Variants in CEP83 observed in about 807,000 individuals in gnomAD.
The protein encoded by CEP83 is centrosomal protein of 83 kDa.
CEP83 carries 70 observed loss-of-function variants against 101.9 expected under a neutral mutation model. The ratio of observed to expected loss-of-function variants is 0.69; its 90% CI spans 0.57 to 0.84. The LOEUF is 0.84. Ranked by LOEUF, CEP83 falls within the 40% of genes least tolerant of loss-of-function variation. CEP83 has a pLI of 0.00. For synonymous variants in CEP83, 264 were observed against 267.9 expected, an observed-to-expected ratio of 0.99 and a Z score of 0.14; for missense variants, 715 against 787.2, an observed-to-expected ratio of 0.91 and a Z score of 1.10.
chr12:94,390,707 C>A (rs1444280250), intron 6 of CEP83, among the ~76,000 whole-genome samples: 2 of 152,120 alleles, frequency 1.3e-5, no homozygotes, highest in Non-Finnish European at 2.9e-5. Flanking sequence ...TCGAACCCAT[C>A]GCAAGGAAGC....
At chr12:94,421,510 G>A (rs1353299741) in intron 2 of CEP83, among the ~76,000 whole-genome samples, 1 of 151,992 alleles carries the variant, frequency 6.6e-6, no homozygotes, top group Non-Finnish European at 1.5e-5. Context: ...GCTACCACAT[G>A]GATATGTAAT....
At chr12:94,384,309 T>C (rs1184932751) in intron 6 of CEP83, among the ~76,000 whole-genome samples, 3 of 152,220 alleles carry the variant, frequency 2.0e-5, no homozygotes, top group Non-Finnish European at 4.4e-5. Context: ...GAGCTAGTTT[T>C]CTAATTGTTT....
chr12:94,309,302 T>C (rs1210091905), intron 16 of CEP83, among the ~76,000 whole-genome samples: 1 of 152,222 alleles, frequency 6.6e-6, no homozygotes, highest in Non-Finnish European at 1.5e-5. Flanking sequence ...TCTGTGCTTA[T>C]GTTATAAAAC....
At chr12:94,372,918 G>C (rs976426989) in intron 8 of CEP83, among the ~76,000 whole-genome samples, 1 of 152,034 alleles carries the variant, frequency 6.6e-6, no homozygotes, top group Non-Finnish European at 1.5e-5. Context: ...TCACTTATAT[G>C]AACACTGTTA....
chr12:94,298,584 A>C, the CEP83 span: 2 of 1,461,894 alleles, frequency 1.4e-6, no homozygotes, highest in African/African-American at 1.4e-5. Context: ...TTTCAAAACC[A>C]CTACCACAGT....
chr12:94,356,549 G>T (rs190276320), intron 11 of CEP83, among the ~76,000 whole-genome samples: 1 of 152,336 alleles, frequency 6.6e-6, no homozygotes, highest in East Asian at 1.9e-4. Context: ...ACAAGAGGGT[G>T]ATTTAGAGGC....
chr12:94,341,322 G>A (rs1565943558), intron 11 of CEP83, among the ~76,000 whole-genome samples: 2 of 152,178 alleles, frequency 1.3e-5, no homozygotes, highest in African/African-American at 4.8e-5. Context: ...TATATTATTT[G>A]TAAATAAATG....
intron 11 of CEP83, chr12:94,361,597 T>C (rs532293823): frequency 1.3e-5 from 2 of 151,900 alleles, no homozygotes; most frequent in African/African-American, 4.8e-5. Context: ...AAAGCAAACA[T>C]AGATAAATGA....
intron 11 of CEP83, among the ~76,000 whole-genome samples, chr12:94,360,121 TA>T (rs2060675687): frequency 6.6e-6 from 1 of 152,058 alleles, no homozygotes; most frequent in African/African-American, 2.4e-5. Context: ...AAAAGAAACA[TA>T]CCTCAATACA....
rs781589254 is a variant in CEP83 at position 94,403,190 on chromosome 12, G to A, written c.397C>T (p.Arg133Cys). Residue 133 changes from arginine to cysteine, a missense_variant, in exon 5 of 17, where the codon CGT becomes TGT. Transcript: ENST00000397809. The stretch of plus-strand genomic sequence containing the variant: ...CTTACTTCATCTAGATTCCTAAAAC[G>A]TTCTCTCATTGGAGTTTCTAATTCT... ...QQELETPMRERFRNLDEEVEK... is the reference protein window; with the variant it reads ...QQELETPMRECFRNLDEEVEK... The A allele has an allele frequency of 2.9e-5, 46 of 1,567,062 alleles. No individual in the cohort carries two copies. Among genetic ancestry groups the A allele is most frequent in the Non-Finnish European group, 3.7e-5 (42 of 1,138,708 alleles).
intron 2 of CEP83, among the ~76,000 whole-genome samples, chr12:94,432,243 T>C (rs1459203492): frequency 2.0e-5 from 3 of 151,838 alleles, no homozygotes; most frequent in African/African-American, 7.3e-5. Context: ...TTTGTATTTT[T>C]AGTAGAGACA....
At chr12:94,326,113 G>A (rs868604384) in intron 14 of CEP83, among the ~76,000 whole-genome samples, 3 of 152,074 alleles carry the variant, frequency 2.0e-5, no homozygotes, top group Non-Finnish European at 2.9e-5. Context: ...AAGAAGGGGA[G>A]GGGGCTGGAA....
At chr12:94,368,784 T>G (rs1252792974) in intron 9 of CEP83, 1 of 152,212 alleles carries the variant, frequency 6.6e-6, no homozygotes, top group Non-Finnish European at 1.5e-5. Flanking sequence ...GCAGCATTCT[T>G]TAAGTTCCTA....
At chr12:94,314,290 A>C (rs1014047621) in intron 14 of CEP83, among the ~76,000 whole-genome samples, 2 of 152,212 alleles carry the variant, frequency 1.3e-5, no homozygotes, top group African/African-American at 4.8e-5. Context: ...AAAAACCACA[A>C]AACAAATGCT....
At chr12:94,295,518 G>A in the CEP83 span, among the ~76,000 whole-genome samples, 3 of 152,078 alleles carry the variant, frequency 2.0e-5, no homozygotes, top group East Asian at 1.9e-4. Flanking sequence ...GGATCTCTTC[G>A]TGGGCCCTCC....
chr12:94,361,726 A>C (rs1593414479), intron 11 of CEP83, among the ~76,000 whole-genome samples: 1 of 151,514 alleles, frequency 6.6e-6, no homozygotes, highest in Non-Finnish European at 1.5e-5. Context: ...TTTGAGACAG[A>C]GTTTCGCTCT....
chr12:94,399,505 T>G (rs1422300342), intron 6 of CEP83, among the ~76,000 whole-genome samples: 1 of 152,096 alleles, frequency 6.6e-6, no homozygotes, highest in East Asian at 1.9e-4. Context: ...AGGCCAGTAG[T>G]CCGAGATCAG....
At chr12:94,356,870 A>C (rs957269074) in intron 11 of CEP83, among the ~76,000 whole-genome samples, 7 of 152,304 alleles carry the variant, frequency 4.6e-5, no homozygotes, top group African/African-American at 1.7e-4. Flanking sequence ...AATTAATATA[A>C]CTGCAGACCA....
chr12:94,368,072 A>AC lies in CEP83; in HGVS notation c.1177dup (p.Val393GlyfsTer5). 1 of 1,613,012 alleles carries AC rather than the reference A, an allele frequency of 6.2e-7. No individual in the cohort carries two copies. The highest frequency in any genetic ancestry group is 8.5e-7 in the Non-Finnish European group (1 of 1,179,532). Reference sequence around the variant, plus strand: ...AAGTACTTACTTTTCATCTTGTAATACCACAAGTTTTTGATAACCTTCTTC... The same window carrying AC: ...AAGTACTTACTTTTCATCTTGTAATACCCACAAGTTTTTGATAACCTTCTTC... On this transcript the variant is annotated frameshift_variant, in exon 10 of 17. Coordinates refer to ENST00000397809, the MANE Select transcript of CEP83 (RefSeq NM_016122.3). LOFTEE classifies it high-confidence loss of function.
Sources: allele counts gnomAD v4.1 joint callset (sites outside exome capture counted in the v4.1 genomes callset), GRCh38; gene constraint gnomAD v4.1.1; transcripts MANE v1.5; gene names NCBI Gene and HGNC (gene_info 2026-07-23, HGNC 2026-07-21).